ADAM28: variants seen among roughly 807,000 people sequenced by gnomAD.
ADAM28 encodes ADAM metallopeptidase domain 28, also known as disintegrin and metalloproteinase domain-containing protein 28.
In ADAM28, 105 loss-of-function variants were observed where a neutral mutation model predicts 101.2. The ratio of observed to expected loss-of-function variants is 1.04; its 90% CI spans 0.89 to 1.22. The LOEUF (loss-of-function observed/expected upper bound fraction) is 1.22, where lower values mean the gene tolerates loss of function less well. Ranked by LOEUF, ADAM28 falls within the 50% of genes most tolerant of loss-of-function variation. The probability of loss-of-function intolerance (pLI) is 0.00; values close to 1 mark genes in which losing one functional copy is unlikely to be tolerated. For missense variants in ADAM28, 1,028 were observed against 945.4 expected, an observed-to-expected ratio of 1.09 and a Z score of -1.15; for synonymous variants, 322 against 310.6, an observed-to-expected ratio of 1.04 and a Z score of -0.39.
intron 18 of ADAM28, among the ~76,000 whole-genome samples, chr8:24,346,571 T>G (rs11135794): frequency 0.17 from 26,560 of 151,994 alleles, 2,456 homozygotes; most frequent in East Asian, 0.35. Flanking sequence ...CATGACAAAG[T>G]TTAAGAGCAC....
intron 1 of ADAM28, 130 bp from the exon 2 acceptor site, chr8:24,299,844 C>T: frequency 1.6e-6 from 1 of 619,256 alleles, no homozygotes; most frequent in Non-Finnish European, 2.8e-6. Context: ...GCACATTAAT[C>T]ACTCTGACAT....
chr8:24,328,163 T>C (rs763151052), intron 10 of ADAM28, among the ~76,000 whole-genome samples: 5 of 152,002 alleles, frequency 3.3e-5, no homozygotes, highest in Admixed American at 6.6e-5. Context: ...TTTTTTCCTT[T>C]CAAGGGAATT....
At chr8:24,295,757 C>T (rs1231382866) in intron 1 of ADAM28, 3 of 152,240 alleles carry the variant, frequency 2.0e-5, no homozygotes, top group Non-Finnish European at 2.9e-5. Context: ...GATGTCACCC[C>T]TCCTTTAACT....
At chr8:24,316,567 C>T (rs1811189945) in intron 6 of ADAM28, among the ~76,000 whole-genome samples, 1 of 152,026 alleles carries the variant, frequency 6.6e-6, no homozygotes, top group African/African-American at 2.4e-5. Context: ...TACCTGCCCA[C>T]TCTTCTTTCT....
intron 6 of ADAM28, among the ~76,000 whole-genome samples, chr8:24,316,311 C>G (rs1180168236): frequency 6.6e-6 from 1 of 151,830 alleles, no homozygotes; most frequent in Non-Finnish European, 1.5e-5. Flanking sequence ...TGTGGGCCTT[C>G]TACTGAAATT....
intron 1 of ADAM28, among the ~76,000 whole-genome samples, chr8:24,298,312 G>A (rs1808245953): frequency 6.6e-6 from 1 of 151,916 alleles, no homozygotes; most frequent in Non-Finnish European, 1.5e-5. Flanking sequence ...CCCCATTTTT[G>A]ACTCAAAGAG....
At chr8:24,321,818 A>C (rs1259055794) in intron 8 of ADAM28, among the ~76,000 whole-genome samples, 1 of 152,030 alleles carries the variant, frequency 6.6e-6, no homozygotes, top group South Asian at 2.1e-4. Context: ...TCAGATTTCC[A>C]AACCCATTTG....
chr8:24,331,137 C>A lies in ADAM28; in HGVS notation c.1104-13C>A. The A allele has an allele frequency of 6.3e-7, 1 of 1,596,438 alleles. No homozygotes were observed. Among genetic ancestry groups the A allele is most frequent in the Non-Finnish European group, 8.5e-7 (1 of 1,173,032 alleles). ...ATGACTATATTCCAGTTTTTCTTTCCTTATCTTCACAGCTTCTATATACCC... is the reference window on the plus strand; with the variant it reads ...ATGACTATATTCCAGTTTTTCTTTCATTATCTTCACAGCTTCTATATACCC... On this transcript the variant is annotated splice_polypyrimidine_tract_variant and intron_variant, in intron 11 of 22. Coordinates refer to ENST00000265769, the MANE Select transcript of ADAM28 (RefSeq NM_014265.6).
chr8:24,306,393 T>TATATATATATATATATATATTTAAAAAA (rs1563270853), intron 2 of ADAM28, among the ~76,000 whole-genome samples: 1 of 138,804 alleles, frequency 7.2e-6, no homozygotes, highest in African/African-American at 2.8e-5. Flanking sequence ...TATTTAAAAA[T>TATATATATATATATATATATTTAAAAAA]ATATATATAT....
intron 13 of ADAM28, among the ~76,000 whole-genome samples, chr8:24,333,218 G>C (rs1813594015): frequency 6.6e-6 from 1 of 152,164 alleles, no homozygotes; most frequent in Admixed American, 6.6e-5. Context: ...CAGTTATGTA[G>C]CATGAGTAAG....
chr8:24,328,149 TA>T, intron 10 of ADAM28, among the ~76,000 whole-genome samples: 1 of 152,158 alleles, frequency 6.6e-6, no homozygotes, highest in East Asian at 1.9e-4. Flanking sequence ...CTATCTAGTA[TA>T]TATTTTTTCC....
chr8:24,341,573 C>A (rs1814767841), intron 15 of ADAM28, 25 bp from the exon 16 acceptor site: 4 of 1,605,628 alleles, frequency 2.5e-6, no homozygotes, highest in Non-Finnish European at 2.6e-6. Flanking sequence ...TTGAATCCTG[C>A]AATACATTTT....
At chr8:24,322,123 A>G (rs114878826) in intron 8 of ADAM28, among the ~76,000 whole-genome samples, 5 of 152,010 alleles carry the variant, frequency 3.3e-5, no homozygotes, top group Non-Finnish European at 7.4e-5. Context: ...AAAATAATAC[A>G]TTTCCTTTTT....
chr8:24,324,137 G>A, intron 9 of ADAM28, 134 bp downstream of exon 9: 1 of 686,532 alleles, frequency 1.5e-6, no homozygotes. Context: ...TGTCAAATAT[G>A]CTCTTATTTT....
intron 1 of ADAM28, among the ~76,000 whole-genome samples, chr8:24,298,340 C>A (rs1022734470): frequency 2.0e-5 from 3 of 152,024 alleles, no homozygotes; most frequent in African/African-American, 7.2e-5. Context: ...CTGGTTTAAA[C>A]CCTTTTTCTG....
chr8:24,350,761 T>TAGAA (rs1816003143), intron 19 of ADAM28, among the ~76,000 whole-genome samples: 1 of 152,160 alleles, frequency 6.6e-6, no homozygotes, highest in Non-Finnish European at 1.5e-5. Flanking sequence ...TTGATGGATA[T>TAGAA]AGAAACAAGC....
chr8:24,315,655 G>T (rs1811066863), intron 6 of ADAM28, among the ~76,000 whole-genome samples: 1 of 151,874 alleles, frequency 6.6e-6, no homozygotes, highest in African/African-American at 2.4e-5. Context: ...CTTAGTACTT[G>T]TTACAAGCCC....
At chr8:24,329,866 TGTTTG>T in intron 10 of ADAM28, 114 bp from the exon 11 acceptor site, 23 of 855,058 alleles carry the variant, frequency 2.7e-5, no homozygotes, top group South Asian at 5.0e-5. Flanking sequence ...TGTGTGTGTG[TGTTTG>T]TGTGTGTGTG....
chr8:24,336,393 C>G (rs1002735694), intron 14 of ADAM28, among the ~76,000 whole-genome samples: 29 of 151,512 alleles, frequency 1.9e-4, no homozygotes, highest in Admixed American at 1.9e-3. Flanking sequence ...ACCATCCTGG[C>G]TAACACGGTG....
Sources: gnomAD v4.1 joint callset for allele counts (sites outside exome capture counted in the v4.1 genomes callset) on GRCh38, gnomAD v4.1.1 for gene constraint, MANE v1.5 for transcripts, NCBI Gene and HGNC (gene_info 2026-07-23, HGNC 2026-07-21) for gene names.